CYRIB: variants seen among roughly 807,000 people sequenced by gnomAD.
CYRIB encodes the protein CYFIP related Rac1 interactor B.
CYRIB carries 8 observed loss-of-function variants against 44.2 expected under a neutral mutation model. That is an observed-to-expected ratio of 0.18 (90% CI 0.11 to 0.33). The LOEUF (loss-of-function observed/expected upper bound fraction) is 0.33. Among genes scored for constraint, CYRIB ranks in the 10% least tolerant of loss-of-function variants. The pLI, the probability that CYRIB is intolerant of heterozygous loss-of-function variation, is 1.00. For missense variants in CYRIB, 185 were observed against 382.8 expected (o/e 0.48, Z 4.31); for synonymous variants, 131 against 127.2 (o/e 1.03, Z -0.20).
intron 4 of CYRIB, chr8:129,864,614 G>C (rs1300823895): frequency 5.2e-6 from 1 of 192,978 alleles, no homozygotes; most frequent in African/African-American, 2.4e-5. Flanking sequence ...AAAGTGTGCA[G>C]ACTAGGCCAC....
chr8:129,973,053 T>C (rs1017847006), intron 1 of CYRIB, among the ~76,000 whole-genome samples: 4 of 152,286 alleles, frequency 2.6e-5, no homozygotes, highest in Admixed American at 2.6e-4. Context: ...TCACCTATTG[T>C]GTGCCAAGCA....
At chr8:129,948,678 G>A (rs1352151595) in intron 2 of CYRIB, 1 of 152,272 alleles carries the variant, frequency 6.6e-6, no homozygotes, top group African/African-American at 2.4e-5. Flanking sequence ...ACCCCACTGT[G>A]ACCCCAAAAC....
intron 2 of CYRIB, among the ~76,000 whole-genome samples, chr8:129,951,130 C>T (rs2094478991): frequency 6.6e-6 from 1 of 151,972 alleles, no homozygotes. Context: ...ATGGCGAGAC[C>T]CCATCTCTAC....
chr8:129,946,298 G>A (rs1426583572), intron 2 of CYRIB, among the ~76,000 whole-genome samples: 2 of 152,166 alleles, frequency 1.3e-5, no homozygotes, highest in Non-Finnish European at 2.9e-5. Flanking sequence ...AGCACCTAGA[G>A]TATAGTTTTT....
At chr8:129,858,897 G>A (rs563727865) in intron 5 of CYRIB, among the ~76,000 whole-genome samples, 45 of 152,336 alleles carry the variant, frequency 3.0e-4, no homozygotes, top group Non-Finnish European at 4.0e-4. Context: ...GAACAAGCAA[G>A]TATGGCAAGT....
At chr8:129,924,518 G>A (rs1395928316) in intron 1 of CYRIB, among the ~76,000 whole-genome samples, 1 of 151,922 alleles carries the variant, frequency 6.6e-6, no homozygotes, top group East Asian at 1.9e-4. Flanking sequence ...TGAACAAGCC[G>A]AACCCGTGGG....
chr8:129,999,623 G>A (rs1332190632), intron 1 of CYRIB, among the ~76,000 whole-genome samples: 2 of 152,156 alleles, frequency 1.3e-5, no homozygotes, highest in Admixed American at 6.5e-5. Context: ...AAGGTTTTGT[G>A]CTTTTGTATT....
chr8:129,883,296 C>G (rs535259285), intron 2 of CYRIB, among the ~76,000 whole-genome samples: 1 of 151,822 alleles, frequency 6.6e-6, no homozygotes, highest in African/African-American at 2.4e-5. Flanking sequence ...CAGCTACCCC[C>G]CATACAAGCT....
intron 11 of CYRIB, among the ~76,000 whole-genome samples, chr8:129,842,677 C>T (rs2037101304): frequency 6.6e-6 from 1 of 152,188 alleles, no homozygotes; most frequent in Admixed American, 6.5e-5. Flanking sequence ...CTATGAAATT[C>T]AAATTTCAGT....
intron 11 of CYRIB, among the ~76,000 whole-genome samples, chr8:129,845,734 T>C (rs2039567850): frequency 6.6e-6 from 1 of 152,250 alleles, no homozygotes; most frequent in Non-Finnish European, 1.5e-5. Flanking sequence ...TTCATGTAAT[T>C]TTTGTGTTTA....
intron 1 of CYRIB, among the ~76,000 whole-genome samples, chr8:129,988,229 C>T (rs984228264): frequency 6.6e-6 from 1 of 152,188 alleles, no homozygotes; most frequent in Non-Finnish European, 1.5e-5. Flanking sequence ...GGGTACGTAT[C>T]TTCCGGCCAG....
At chr8:129,931,927 C>T (rs2091546870) in intron 1 of CYRIB, among the ~76,000 whole-genome samples, 1 of 151,506 alleles carries the variant, frequency 6.6e-6, no homozygotes, top group Non-Finnish European at 1.5e-5. Flanking sequence ...ATGCCTGGCA[C>T]TTCTTTAAAT....
chr8:130,004,353 C>T (rs1487488144), intron 1 of CYRIB, among the ~76,000 whole-genome samples: 1 of 152,214 alleles, frequency 6.6e-6, no homozygotes, highest in Non-Finnish European at 1.5e-5. Context: ...AATCCTCCCA[C>T]CTGAGCCTCC....
intron 1 of CYRIB, among the ~76,000 whole-genome samples, chr8:129,925,638 T>C (rs548937473): frequency 6.6e-6 from 1 of 152,136 alleles, no homozygotes; most frequent in Non-Finnish European, 1.5e-5. Flanking sequence ...CCAAAAAACT[T>C]TGGGAGCACT....
At chr8:129,842,860 C>A (rs1285513559) in intron 11 of CYRIB, among the ~76,000 whole-genome samples, 2 of 152,130 alleles carry the variant, frequency 1.3e-5, no homozygotes, top group South Asian at 4.1e-4. Context: ...GTGTTTCAAC[C>A]CCTTTTCTAT....
intron 1 of CYRIB, among the ~76,000 whole-genome samples, chr8:129,932,253 G>A (rs1406907066): frequency 6.6e-6 from 1 of 152,064 alleles, no homozygotes; most frequent in East Asian, 1.9e-4. Flanking sequence ...ACAAGCAGAG[G>A]TACCAGCTGC....
chr8:129,927,537 C>T (rs78122687), intron 1 of CYRIB, among the ~76,000 whole-genome samples: 2,303 of 152,208 alleles, frequency 0.015, 67 homozygotes, highest in African/African-American at 0.053. Context: ...GAACAATGAG[C>T]GTAGGCAAAT....
chr8:129,906,113 T>C (rs1264689100), intron 1 of CYRIB, among the ~76,000 whole-genome samples: 2 of 152,030 alleles, frequency 1.3e-5, no homozygotes, highest in Non-Finnish European at 2.9e-5. Flanking sequence ...TTAAAGTTCA[T>C]ATGGAACCAA....
chr8:129,855,409 T>A (rs146612175), intron 6 of CYRIB, among the ~76,000 whole-genome samples: 1 of 150,990 alleles, frequency 6.6e-6, no homozygotes, highest in Non-Finnish European at 1.5e-5. Context: ...AAAAAAAAGA[T>A]TGAGACCGAA....
Sources: allele counts gnomAD v4.1 joint callset (sites outside exome capture counted in the v4.1 genomes callset), GRCh38; gene constraint gnomAD v4.1.1; transcripts MANE v1.5; gene names NCBI Gene and HGNC (gene_info 2026-07-23, HGNC 2026-07-21).